SOX6: variants seen among roughly 807,000 people sequenced by gnomAD.
SOX6 encodes the protein SRY-box transcription factor 6.
SOX6 carries 11 observed loss-of-function variants against 97.8 expected under a neutral mutation model. The ratio of observed to expected loss-of-function variants is 0.11; its 90% CI spans 0.07 to 0.19. The LOEUF is 0.19. Among genes scored for constraint, SOX6 ranks in the 10% least tolerant of loss-of-function variants. The probability of loss-of-function intolerance (pLI) is 1.00; values close to 1 mark genes in which losing one functional copy is unlikely to be tolerated. For synonymous variants in SOX6, 360 were observed against 371.4 expected (o/e 0.97, Z 0.35); for missense variants, 810 against 1,039.5 (o/e 0.78, Z 3.04).
chr11:16,227,645 C>A (rs1192252227), intron 4 of SOX6, among the ~76,000 whole-genome samples: 2 of 152,210 alleles, frequency 1.3e-5, no homozygotes, highest in East Asian at 3.9e-4. Flanking sequence ...TCTACTAATG[C>A]AGTCCAATCT....
rs752223938 is a variant in SOX6 at position 16,049,951 on chromosome 11, A to T, written c.1252-13T>A. ...CTGCTGCTTCATCCTACAAGAGTTT[A>T]ACGTAAATAATTATTTTTACAAAAG... On this transcript the variant is annotated splice_polypyrimidine_tract_variant and intron_variant, in intron 10 of 15. Coordinates refer to ENST00000683767, the MANE Select transcript of SOX6 (RefSeq NM_001367873.1). 1.9e-6 allele frequency: 3 copies of T among 1,613,304 alleles called. No homozygotes were observed. The highest frequency in any genetic ancestry group is 2.2e-5 in the East Asian group (1 of 44,860).
At chr11:16,500,301 G>A (rs1187161488) in intron 4 of SOX6, among the ~76,000 whole-genome samples, 1 of 152,076 alleles carries the variant, frequency 6.6e-6, no homozygotes, top group Admixed American at 6.6e-5. Flanking sequence ...GGTATTCATG[G>A]GACATATCTC....
intron 3 of SOX6, among the ~76,000 whole-genome samples, chr11:16,684,964 C>A (rs1026139235): frequency 6.6e-6 from 1 of 151,958 alleles, no homozygotes; most frequent in Non-Finnish European, 1.5e-5. Context: ...AGAATGGGAG[C>A]AAGAGGTGCG....
chr11:16,519,061 G>A lies in SOX6; in HGVS notation n.610-42673C>T, dbSNP rs563146274. Among the ~76,000 whole-genome samples the A allele has an allele frequency of 2.2e-4, 33 of 152,144 alleles. No homozygotes were observed. The South Asian group carries it at 2.5e-3, about 11-fold the overall frequency. On this transcript the variant is annotated intron_variant and non_coding_transcript_variant, in intron 4 of 5. Transcript: ENST00000524520. ...TATACCTTTCTTCTGAAAGCAAAGC[G>A]CTTTCAAATCCACTAGTACATGTCC... is the stretch of plus-strand genomic sequence containing the variant.
In SOX6 at chr11:16,209,776, AT is replaced by A. The variant is rs1037982873; in HGVS notation, c.536-22822del. On this transcript the variant is annotated intron_variant, in intron 4 of 15. Transcript: ENST00000683767. ...TCAAAAAAAAGAAAAAATTATATATATTTTTTTTTCTGGAAAAATAAATACA... is the reference window on the plus strand; with the variant it reads ...TCAAAAAAAAGAAAAAATTATATATATTTTTTTTCTGGAAAAATAAATACA... Among the ~76,000 whole-genome samples the A allele has an allele frequency of 1.2e-3, 177 of 151,398 alleles. 1 individual carries two copies. Among genetic ancestry groups the A allele is most frequent in the African/African-American group, 3.7e-3 (153 of 41,356 alleles).
At chr11:16,244,756 GTGTGTGTGTGTT>G (rs1056188542) in intron 3 of SOX6, among the ~76,000 whole-genome samples, 4 of 151,384 alleles carry the variant, frequency 2.6e-5, no homozygotes, top group African/African-American at 7.2e-5. Context: ...GAGTGTGTAT[GTGTGTGTGTGTT>G]TGTGTGTGTG....
chr11:16,032,025 G>A (rs998135662), intron 12 of SOX6, among the ~76,000 whole-genome samples: 1 of 152,054 alleles, frequency 6.6e-6, no homozygotes, highest in Non-Finnish European at 1.5e-5. Context: ...TCTATCTGAG[G>A]AATGCCAGAC....
chr11:16,439,887 T>C (rs1052091047), intron 1 of SOX6, among the ~76,000 whole-genome samples: 1 of 152,208 alleles, frequency 6.6e-6, no homozygotes, highest in Admixed American at 6.6e-5. Flanking sequence ...TACACCTCTC[T>C]ATAAAGTGTA....
intron 3 of SOX6, among the ~76,000 whole-genome samples, chr11:16,310,229 G>A (rs1417482845): frequency 3.3e-5 from 5 of 151,950 alleles, no homozygotes; most frequent in Admixed American, 6.6e-5. Context: ...TAGAAATAAC[G>A]AAGAGTTGCC....
intron 2 of SOX6, among the ~76,000 whole-genome samples, chr11:16,731,381 G>A (rs1848348773): frequency 6.6e-6 from 1 of 152,064 alleles, no homozygotes; most frequent in African/African-American, 2.4e-5. Flanking sequence ...AGCAGCACAT[G>A]AAAAAGCTTA....
chr11:16,452,284 C>T (rs2133097422), intron 1 of SOX6, among the ~76,000 whole-genome samples: 1 of 152,056 alleles, frequency 6.6e-6, no homozygotes, highest in East Asian at 1.9e-4. Flanking sequence ...ATGAGTTGGG[C>T]TTAGGGGAGG....
At chr11:16,267,898 C>T (rs757073753) in intron 3 of SOX6, among the ~76,000 whole-genome samples, 1 of 151,454 alleles carries the variant, frequency 6.6e-6, no homozygotes, top group Non-Finnish European at 1.5e-5. Context: ...TTTGCAATAA[C>T]ATGGATGGAA....
intron 14 of SOX6, 146 bp from the exon 15 acceptor site, chr11:15,986,566 CT>C: frequency 1.4e-6 from 1 of 732,048 alleles, no homozygotes; most frequent in Non-Finnish European, 2.4e-6. Flanking sequence ...CCCAACTATA[CT>C]TTTAGTCTAT....
intron 6 of SOX6, among the ~76,000 whole-genome samples, chr11:16,178,390 G>T (rs1296991296): frequency 1.3e-5 from 2 of 151,946 alleles, no homozygotes; most frequent in Non-Finnish European, 2.9e-5. Flanking sequence ...TTACATAAAA[G>T]AAATAATTAG....
At chr11:16,311,540 T>G (rs1000094140) in intron 3 of SOX6, 1 of 152,160 alleles carries the variant, frequency 6.6e-6, no homozygotes, top group Non-Finnish European at 1.5e-5. Flanking sequence ...TAATTATTCA[T>G]CTTCATGAAA....
At chr11:16,207,418 C>T (rs143655419) in intron 4 of SOX6, among the ~76,000 whole-genome samples, 246 of 151,976 alleles carry the variant, frequency 1.6e-3, no homozygotes, top group African/African-American at 5.6e-3. Flanking sequence ...CTGGCTAACA[C>T]GGTGAAACCC....
intron 7 of SOX6, among the ~76,000 whole-genome samples, chr11:16,098,857 T>A (rs549226003): frequency 1.1e-4 from 17 of 151,722 alleles, no homozygotes; most frequent in Admixed American, 4.6e-4. Flanking sequence ...CAAGAAAACT[T>A]TTTTTGGAGT....
chr11:16,234,351 T>TA (rs1434439783), intron 4 of SOX6, among the ~76,000 whole-genome samples: 1 of 152,174 alleles, frequency 6.6e-6, no homozygotes, highest in Non-Finnish European at 1.5e-5. Context: ...TGAGGCAGCA[T>TA]ATCCTATAAG....
At chr11:16,078,287 G>A (rs551870259) in intron 9 of SOX6, among the ~76,000 whole-genome samples, 3 of 152,124 alleles carry the variant, frequency 2.0e-5, no homozygotes, top group African/African-American at 7.2e-5. Context: ...AGCTCATCAG[G>A]TAAACTTTAA....
Sources: allele counts gnomAD v4.1 joint callset (sites outside exome capture counted in the v4.1 genomes callset), GRCh38; gene constraint gnomAD v4.1.1; transcripts MANE v1.5; gene names NCBI Gene and HGNC (gene_info 2026-07-23, HGNC 2026-07-21).